LHFPL6: variants seen among roughly 807,000 people sequenced by gnomAD.
LHFPL6 encodes LHFPL tetraspan subfamily member 6 protein.
In LHFPL6, 9 loss-of-function variants were observed where a neutral mutation model predicts 20.6. That is an observed-to-expected ratio of 0.44 (90% CI 0.26 to 0.76). LHFPL6 has a LOEUF of 0.76. Among genes scored for constraint, LHFPL6 ranks in the 30% least tolerant of loss-of-function variants. The pLI, the probability that LHFPL6 is intolerant of heterozygous loss-of-function variation, is 0.20. For synonymous variants in LHFPL6, 105 were observed against 98.7 expected (o/e 1.06, Z -0.38); for missense variants, 218 against 253.5 (o/e 0.86, Z 0.95).
At chr13:39,448,405 T>C (rs1872350925) in intron 2 of LHFPL6, among the ~76,000 whole-genome samples, 1 of 152,114 alleles carries the variant, frequency 6.6e-6, no homozygotes, top group Non-Finnish European at 1.5e-5. Flanking sequence ...GTTTGCAAAA[T>C]AGAGAAGGAT....
chr13:39,382,348 C>T (rs545673151), intron 2 of LHFPL6, among the ~76,000 whole-genome samples: 10 of 152,292 alleles, frequency 6.6e-5, no homozygotes, highest in East Asian at 1.9e-4. Context: ...GGCTTTCTAC[C>T]GGCAAGCAGC....
At chr13:39,488,531 TCTC>T (rs1260002244) in intron 2 of LHFPL6, among the ~76,000 whole-genome samples, 14 of 152,238 alleles carry the variant, frequency 9.2e-5, no homozygotes, top group African/African-American at 3.1e-4. Flanking sequence ...CACATCCTTC[TCTC>T]CTATCAAAAA....
intron 2 of LHFPL6, among the ~76,000 whole-genome samples, chr13:39,460,493 A>G (rs1255942315): frequency 6.6e-6 from 1 of 152,244 alleles, no homozygotes; most frequent in Non-Finnish European, 1.5e-5. Context: ...CAGGATTCAC[A>G]GCATCCCTTT....
intron 2 of LHFPL6, among the ~76,000 whole-genome samples, chr13:39,580,636 T>C (rs968525687): frequency 6.6e-5 from 10 of 152,182 alleles, no homozygotes; most frequent in Admixed American, 5.9e-4. Context: ...CAGGATTCAA[T>C]AAATATTTAT....
intron 2 of LHFPL6, among the ~76,000 whole-genome samples, chr13:39,562,475 CATATACAT>C (rs1423452046): frequency 6.9e-5 from 6 of 86,606 alleles, no homozygotes; most frequent in South Asian, 3.8e-4. Flanking sequence ...CACATATACA[CATATACAT>C]ATATACACAT....
At chr13:39,433,421 T>C (rs977894831) in intron 2 of LHFPL6, among the ~76,000 whole-genome samples, 2 of 152,220 alleles carry the variant, frequency 1.3e-5, no homozygotes, top group African/African-American at 4.8e-5. Context: ...ATACACTTTA[T>C]ATAAAGTAAA....
chr13:39,588,985 A>T (rs1872530122), intron 2 of LHFPL6, among the ~76,000 whole-genome samples: 2 of 152,236 alleles, frequency 1.3e-5, no homozygotes, highest in African/African-American at 4.8e-5. Flanking sequence ...CTATTTGATT[A>T]TTAAAAATCT....
intron 2 of LHFPL6, among the ~76,000 whole-genome samples, chr13:39,384,581 A>G (rs1870516923): frequency 6.6e-6 from 1 of 152,194 alleles, no homozygotes; most frequent in Non-Finnish European, 1.5e-5. Flanking sequence ...CCTGAATTAG[A>G]TACCGCTTGG....
intron 3 of LHFPL6, among the ~76,000 whole-genome samples, chr13:39,375,689 C>CG (rs1555259175): frequency 7.7e-6 from 1 of 129,658 alleles, no homozygotes; most frequent in African/African-American, 3.0e-5. Flanking sequence ...GTCTTTGTCT[C>CG]AAAAAAAAAA....
intron 2 of LHFPL6, among the ~76,000 whole-genome samples, chr13:39,538,840 C>A (rs894437738): frequency 2.5e-4 from 38 of 152,094 alleles, no homozygotes; most frequent in African/African-American, 9.2e-4. Context: ...AGGATACCTG[C>A]AATTTACACT....
intron 2 of LHFPL6, among the ~76,000 whole-genome samples, chr13:39,560,504 CTTT>C (rs376446144): frequency 5.9e-5 from 7 of 118,176 alleles, no homozygotes; most frequent in South Asian, 5.9e-4. Flanking sequence ...TGCAAATTCT[CTTT>C]TTTTTTTTTT....
chr13:39,419,526 A>G (rs1214036954), intron 2 of LHFPL6, among the ~76,000 whole-genome samples: 3 of 152,242 alleles, frequency 2.0e-5, no homozygotes, highest in Non-Finnish European at 2.9e-5. Context: ...TATATGTGAA[A>G]TAAGAGTTGA....
chr13:39,452,628 T>C (rs1431174147), intron 2 of LHFPL6, among the ~76,000 whole-genome samples: 1 of 152,222 alleles, frequency 6.6e-6, no homozygotes, highest in African/African-American at 2.4e-5. Flanking sequence ...AGACTCATTA[T>C]GATGATACCC....
intron 2 of LHFPL6, among the ~76,000 whole-genome samples, chr13:39,399,487 T>G (rs190587302): frequency 2.0e-3 from 310 of 152,308 alleles, no homozygotes; most frequent in Non-Finnish European, 3.5e-3. Context: ...GAACAAGCTC[T>G]TTCTAAACTC....
Position 39,343,110 on chromosome 13 carries a change from T to C in LHFPL6, c.*826A>G. The C allele has an allele frequency of 4.9e-6, 1 of 202,982 alleles. No individual in the cohort carries two copies. The highest frequency in any genetic ancestry group is 1.0e-5 in the Non-Finnish European group (1 of 98,480). The allele number at this position is 202,982 out of a possible 1,614,324, so 12.6% of individuals were successfully genotyped here. On this transcript the variant is annotated 3_prime_UTR_variant, in exon 4 of 4. Transcript: ENST00000379589. The stretch of plus-strand genomic sequence containing the variant: ...AGTGGACAGAAAGTTGCCCCTTTTC[T>C]TCATAAGAATATCATAGCAGAAGCT...
At chr13:39,466,415 T>A (rs1320586010) in intron 2 of LHFPL6, among the ~76,000 whole-genome samples, 1 of 152,200 alleles carries the variant, frequency 6.6e-6, no homozygotes, top group Non-Finnish European at 1.5e-5. Context: ...GACTGCTGCA[T>A]GTTGTGAGAA....
chr13:39,562,661 CATATATACACACATATAT>C (rs1566142281), intron 2 of LHFPL6, among the ~76,000 whole-genome samples: 29 of 135,854 alleles, frequency 2.1e-4, no homozygotes, highest in East Asian at 4.6e-4. Flanking sequence ...CACATATACA[CATATATACACACATATAT>C]ACACACACAC....
chr13:39,568,213 G>A (rs1871790517), intron 2 of LHFPL6, among the ~76,000 whole-genome samples: 1 of 151,516 alleles, frequency 6.6e-6, no homozygotes, highest in Admixed American at 6.6e-5. Flanking sequence ...TGTAACAGCA[G>A]AGAATAGGAA....
chr13:39,509,151 C>T (rs1869597619), intron 2 of LHFPL6, among the ~76,000 whole-genome samples: 1 of 152,076 alleles, frequency 6.6e-6, no homozygotes, highest in East Asian at 1.9e-4. Flanking sequence ...CGATGGTGAA[C>T]ATCTTCTCAT....
Sources: gnomAD v4.1 joint callset for allele counts (sites outside exome capture counted in the v4.1 genomes callset) on GRCh38, gnomAD v4.1.1 for gene constraint, MANE v1.5 for transcripts, NCBI Gene and HGNC (gene_info 2026-07-23, HGNC 2026-07-21) for gene names.